Variants in BCAS3 observed in about 807,000 individuals in gnomAD.
BCAS3 encodes the protein BCAS3 microtubule associated cell migration factor, also known as BCAS4/BCAS3 fusion.
BCAS3 carries 53 observed loss-of-function variants against 116.1 expected under a neutral mutation model. The observed-to-expected ratio is 0.46, with a 90% confidence interval of 0.37 to 0.57. BCAS3 has a LOEUF of 0.57. Ranked by LOEUF, BCAS3 falls within the 20% of genes least tolerant of loss-of-function variation. The probability of loss-of-function intolerance (pLI) is 0.00; values close to 1 mark genes in which losing one functional copy is unlikely to be tolerated. For missense variants in BCAS3, 917 were observed against 1,165.4 expected, an observed-to-expected ratio of 0.79 and a Z score of 3.10; for synonymous variants, 391 against 408.2, an observed-to-expected ratio of 0.96 and a Z score of 0.51.
At chr17:60,869,195 T>C (rs554167996) in intron 8 of BCAS3, among the ~76,000 whole-genome samples, 2 of 152,342 alleles carry the variant, frequency 1.3e-5, no homozygotes, top group Admixed American at 1.3e-4. Flanking sequence ...ATTTATTTCA[T>C]TTAATTGCTG....
At chr17:61,040,283 A>G (rs73324826) in intron 18 of BCAS3, among the ~76,000 whole-genome samples, 95 of 152,338 alleles carry the variant, frequency 6.2e-4, no homozygotes, top group African/African-American at 1.9e-3. Flanking sequence ...GAGTGGGCAG[A>G]TCTAATTAAA....
chr17:60,937,174 A>G (rs553899276), intron 13 of BCAS3, among the ~76,000 whole-genome samples: 33 of 151,836 alleles, frequency 2.2e-4, no homozygotes, highest in African/African-American at 7.7e-4. Context: ...GGTTGTAGAT[A>G]TGCGACATTA....
intron 22 of BCAS3, among the ~76,000 whole-genome samples, chr17:61,154,437 AT>A (rs375714479): frequency 0.075 from 10,655 of 141,254 alleles, 1,171 homozygotes; most frequent in African/African-American, 0.25. Flanking sequence ...AGCACAAGCA[AT>A]TTTTTTTTTT....
In BCAS3 at chr17:61,388,598, A is replaced by G. The variant is rs1446919399; in HGVS notation, c.2594-3379A>G. On this transcript the variant is annotated intron_variant, in intron 23 of 23. Transcript: ENST00000407086. The surrounding 1 kb of genome is among the most constrained non-coding windows in gnomAD (Gnocchi z 6.5). ...CATATCTTTTCCAAAAAGATTCCTCAATGCTTTTCTTTTCAAAAGGGAAAA... is the reference window on the plus strand; with the variant it reads ...CATATCTTTTCCAAAAAGATTCCTCGATGCTTTTCTTTTCAAAAGGGAAAA... 2.6e-6 allele frequency: 4 copies of G among 1,530,364 alleles called. No individual in the cohort carries two copies. In the African/African-American group the frequency reaches 4.1e-5, roughly 16 times the overall value. The allele number at this position is 1,530,364 out of a possible 1,614,324, so 94.8% of individuals were successfully genotyped here.
intron 22 of BCAS3, among the ~76,000 whole-genome samples, chr17:61,358,888 G>A (rs551366742): frequency 2.6e-5 from 4 of 152,014 alleles, no homozygotes; most frequent in Non-Finnish European, 5.9e-5. Flanking sequence ...CCGTTCTTAC[G>A]CGTGTTGAGT....
chr17:60,939,656 C>A (rs1599833493), intron 13 of BCAS3, among the ~76,000 whole-genome samples: 3 of 152,046 alleles, frequency 2.0e-5, no homozygotes, highest in South Asian at 4.2e-4. Context: ...TTGCTTGGGG[C>A]CAGGTGGTTG....
At chr17:60,889,639 C>G in intron 9 of BCAS3, 56 bp from the exon 10 acceptor site, 1 of 1,393,902 alleles carries the variant, frequency 7.2e-7, no homozygotes, top group Non-Finnish European at 1.0e-6. Flanking sequence ...ATATATGATG[C>G]ACCAACAGAA....
intron 3 of BCAS3, among the ~76,000 whole-genome samples, chr17:60,684,302 T>A (rs1226185152): frequency 1.3e-5 from 2 of 152,172 alleles, no homozygotes; most frequent in African/African-American, 2.4e-5. Context: ...CCTGGGACTT[T>A]CTTTCTTAGG....
At chr17:60,923,909 T>C (rs2059232323) in intron 12 of BCAS3, among the ~76,000 whole-genome samples, 1 of 152,194 alleles carries the variant, frequency 6.6e-6, no homozygotes, top group South Asian at 2.1e-4. Flanking sequence ...CATACTATAA[T>C]ATGAAAATGT....
At chr17:60,840,407 T>G (rs984372755) in intron 7 of BCAS3, among the ~76,000 whole-genome samples, 26 of 152,302 alleles carry the variant, frequency 1.7e-4, no homozygotes, top group African/African-American at 5.8e-4. Context: ...ACTTAGTCTT[T>G]GCAAAAAGCT....
chr17:61,093,056 A>C (rs1022478658), intron 22 of BCAS3, among the ~76,000 whole-genome samples: 4 of 151,544 alleles, frequency 2.6e-5, no homozygotes, highest in African/African-American at 9.7e-5. Context: ...ACAGGTGCCC[A>C]CTACCACGCC....
chr17:61,329,143 G>A (rs927651683), intron 22 of BCAS3, among the ~76,000 whole-genome samples: 5 of 151,376 alleles, frequency 3.3e-5, no homozygotes, highest in Non-Finnish European at 7.4e-5. Flanking sequence ...TGATCAGCCC[G>A]CCTCGGCCTC....
chr17:60,781,117 G>T (rs1049809483), intron 6 of BCAS3, among the ~76,000 whole-genome samples: 1 of 151,686 alleles, frequency 6.6e-6, no homozygotes, highest in Non-Finnish European at 1.5e-5. Context: ...TTACAGGTGC[G>T]TGCCACCATG....
Position 61,300,524 on chromosome 17 carries a change from G to A in BCAS3, c.2426-67803G>A, listed in dbSNP as rs370187558. 6.6e-6 allele frequency among the ~76,000 whole-genome samples: 1 copy of A among 152,106 alleles called. No individual in the cohort carries two copies. Among genetic ancestry groups the A allele is most frequent in the Non-Finnish European group, 1.5e-5 (1 of 68,024 alleles). On this transcript the variant is annotated intron_variant, in intron 22 of 23. Coordinates refer to ENST00000407086, the MANE Select transcript of BCAS3 (RefSeq NM_017679.5). The surrounding 1 kb of genome is among the most constrained non-coding windows in gnomAD (Gnocchi z 5.1). ...TCATTGCAGACTCTTTAGAAAAAAT[G>A]TATGGCATCTTGACGCAGTGTTCCT...
At chr17:61,262,323 G>A (rs530988715) in intron 22 of BCAS3, among the ~76,000 whole-genome samples, 1 of 150,906 alleles carries the variant, frequency 6.6e-6, no homozygotes, top group African/African-American at 2.4e-5. Context: ...ATAAGGCAAA[G>A]TTGAAGGAAT....
intron 2 of BCAS3, 61 bp from the exon 3 acceptor site, chr17:60,683,921 C>CT: frequency 7.2e-7 from 1 of 1,383,470 alleles, no homozygotes; most frequent in South Asian, 1.2e-5. Context: ...GTAAATAGAG[C>CT]TTTTTTCATG....
At chr17:60,842,515 TC>T (rs1440194276) in intron 7 of BCAS3, among the ~76,000 whole-genome samples, 2 of 152,166 alleles carry the variant, frequency 1.3e-5, no homozygotes, top group African/African-American at 4.8e-5. Context: ...TTTTCAATTT[TC>T]TATTTAGAAC....
chr17:61,223,151 CTTTTT>C (rs34499099), intron 22 of BCAS3, among the ~76,000 whole-genome samples: 13 of 79,086 alleles, frequency 1.6e-4, no homozygotes, highest in Admixed American at 9.7e-4. Context: ...GATGCAGCGC[CTTTTT>C]TTTTTTTTTT....
At chr17:60,821,549 C>T (rs2049969733) in intron 7 of BCAS3, among the ~76,000 whole-genome samples, 1 of 152,122 alleles carries the variant, frequency 6.6e-6, no homozygotes, top group African/African-American at 2.4e-5. Context: ...AACCAATGTT[C>T]TACTTTCTGT....
Sources: allele counts gnomAD v4.1 joint callset (sites outside exome capture counted in the v4.1 genomes callset), GRCh38; gene constraint gnomAD v4.1.1; non-coding constraint Gnocchi (gnomAD v3.1); transcripts MANE v1.5; gene names NCBI Gene and HGNC (gene_info 2026-07-23, HGNC 2026-07-21).